PCDH15: variants seen among roughly 807,000 people sequenced by gnomAD.
The protein encoded by PCDH15 is protocadherin-15.
PCDH15 carries 129 observed loss-of-function variants against 178.5 expected under a neutral mutation model. The ratio of observed to expected loss-of-function variants is 0.72; its 90% CI spans 0.63 to 0.84. The LOEUF is 0.84. Among genes scored for constraint, PCDH15 ranks in the 40% least tolerant of loss-of-function variants. The probability of loss-of-function intolerance (pLI) is 0.00; values close to 1 mark genes in which losing one functional copy is unlikely to be tolerated. For missense variants in PCDH15, 2,230 were observed against 2,099.9 expected (o/e 1.06, Z -1.21); for synonymous variants, 800 against 732.0 (o/e 1.09, Z -1.50).
At chr10:54,402,506 C>G (rs1057345992) in intron 3 of PCDH15, among the ~76,000 whole-genome samples, 1 of 151,842 alleles carries the variant, frequency 6.6e-6, no homozygotes, top group African/African-American at 2.4e-5. Context: ...TCCATAAATA[C>G]GGCATTTTTT....
chr10:54,502,621 A>G (rs1394345145), intron 3 of PCDH15, among the ~76,000 whole-genome samples: 2 of 152,126 alleles, frequency 1.3e-5, no homozygotes, highest in African/African-American at 4.8e-5. Flanking sequence ...ATGGTTTAAC[A>G]TGTACTTGTT....
At chr10:53,930,467 A>C (rs2084957001) in intron 25 of PCDH15, among the ~76,000 whole-genome samples, 1 of 149,708 alleles carries the variant, frequency 6.7e-6, no homozygotes, top group Non-Finnish European at 1.5e-5. Context: ...CAAAAAAAAA[A>C]AAAAAAAAAA....
intron 8 of PCDH15, among the ~76,000 whole-genome samples, chr10:54,266,059 AT>A (rs1318752522): frequency 4.0e-5 from 6 of 149,452 alleles, no homozygotes; most frequent in African/African-American, 1.5e-4. Context: ...ATTAAAAAAA[AT>A]ATTAAATAAT....
chr10:54,004,810 C>G (rs2135066383), intron 20 of PCDH15, among the ~76,000 whole-genome samples: 1 of 151,468 alleles, frequency 6.6e-6, no homozygotes, highest in East Asian at 1.9e-4. Context: ...AAATTCTAAA[C>G]TGTGTATGGA....
At chr10:53,823,717 T>C in intron 32 of PCDH15, 1 of 450,096 alleles carries the variant, frequency 2.2e-6, no homozygotes, top group Non-Finnish European at 4.3e-6. Context: ...TTCTTCCCAT[T>C]GCAGAACACC....
chr10:53,910,257 G>C (rs2133761301), intron 25 of PCDH15, among the ~76,000 whole-genome samples: 1 of 152,284 alleles, frequency 6.6e-6, no homozygotes, highest in South Asian at 2.1e-4. Context: ...CCCAGTAGGG[G>C]CCGACTGACA....
intron 1 of PCDH15, among the ~76,000 whole-genome samples, chr10:55,294,277 C>T (rs776474649): frequency 1.4e-4 from 21 of 152,264 alleles, no homozygotes; most frequent in Non-Finnish European, 2.1e-4. Flanking sequence ...TGGGAATTCA[C>T]GATGAGATTT....
intron 3 of PCDH15, among the ~76,000 whole-genome samples, chr10:54,451,197 G>T (rs2076457341): frequency 6.6e-6 from 1 of 151,750 alleles, no homozygotes; most frequent in Non-Finnish European, 1.5e-5. Flanking sequence ...ACCTTTTTCT[G>T]TTTATCTTCA....
intron 1 of PCDH15, among the ~76,000 whole-genome samples, chr10:55,200,831 C>T (rs1371910164): frequency 6.6e-6 from 1 of 151,986 alleles, no homozygotes; most frequent in African/African-American, 2.4e-5. Flanking sequence ...CCTGCCTCAC[C>T]ATGTTAAGGT....
intron 2 of PCDH15, among the ~76,000 whole-genome samples, chr10:55,452,890 C>T (rs1233408255): frequency 6.6e-6 from 1 of 152,162 alleles, no homozygotes; most frequent in South Asian, 2.1e-4. Flanking sequence ...AGAGTATATA[C>T]TATTTCTTAA....
At chr10:54,101,425 T>TA (rs36059239) in intron 15 of PCDH15, among the ~76,000 whole-genome samples, 2 of 152,168 alleles carry the variant, frequency 1.3e-5, no homozygotes, top group African/African-American at 2.4e-5. Context: ...CACTTTGAGC[T>TA]AAAAAAATGA....
intron 1 of PCDH15, among the ~76,000 whole-genome samples, chr10:55,240,662 TTC>T (rs1841517421): frequency 6.6e-6 from 1 of 152,306 alleles, no homozygotes; most frequent in African/African-American, 2.4e-5. Context: ...CATAATATGT[TTC>T]TCTGTTTCTT....
At chr10:55,130,495 A>C (rs1838010543) in intron 2 of PCDH15, among the ~76,000 whole-genome samples, 1 of 152,186 alleles carries the variant, frequency 6.6e-6, no homozygotes, top group Non-Finnish European at 1.5e-5. Context: ...CAGCTTCTGG[A>C]GTTGGACTAC....
At chr10:54,097,742 T>C (rs1424987448) in intron 15 of PCDH15, among the ~76,000 whole-genome samples, 1 of 152,150 alleles carries the variant, frequency 6.6e-6, no homozygotes, top group Non-Finnish European at 1.5e-5. Context: ...TACATTATAA[T>C]GAGAAAAATG....
chr10:54,853,402 C>CACAT (rs35378992), intron 3 of PCDH15, among the ~76,000 whole-genome samples: 67,403 of 141,576 alleles, frequency 0.48, 16,969 homozygotes, highest in East Asian at 0.75. Flanking sequence ...TATATACACA[C>CACAT]ACATATATAT....
chr10:53,938,476 A>C (rs1564814628), intron 25 of PCDH15, among the ~76,000 whole-genome samples: 1 of 152,182 alleles, frequency 6.6e-6, no homozygotes, highest in Non-Finnish European at 1.5e-5. Flanking sequence ...AATTTCTAGA[A>C]GTCATTCATT....
At chr10:54,045,656 T>A (rs1295092104) in intron 18 of PCDH15, among the ~76,000 whole-genome samples, 1 of 152,034 alleles carries the variant, frequency 6.6e-6, no homozygotes, top group Non-Finnish European at 1.5e-5. Context: ...TATATTTATA[T>A]AGAAGAAAAC....
intron 10 of PCDH15, among the ~76,000 whole-genome samples, chr10:54,198,127 C>G (rs1262963380): frequency 6.6e-6 from 1 of 152,118 alleles, no homozygotes; most frequent in African/African-American, 2.4e-5. Context: ...GTATCCATCT[C>G]ACATAACCAG....
At chr10:55,240,374 C>A (rs527692167) in intron 1 of PCDH15, among the ~76,000 whole-genome samples, 1 of 152,012 alleles carries the variant, frequency 6.6e-6, no homozygotes, top group African/African-American at 2.4e-5. Flanking sequence ...TGCCCTCTAC[C>A]CCAACCAACA....
Sources: allele counts gnomAD v4.1 joint callset (sites outside exome capture counted in the v4.1 genomes callset), GRCh38; gene constraint gnomAD v4.1.1; transcripts MANE v1.5; gene names NCBI Gene and HGNC (gene_info 2026-07-23, HGNC 2026-07-21).